GRM7: variants seen among roughly 807,000 people sequenced by gnomAD.
GRM7 encodes the protein metabotropic glutamate receptor 7.
GRM7 carries 35 observed loss-of-function variants against 84.5 expected under a neutral mutation model. The ratio of observed to expected loss-of-function variants is 0.41; its 90% CI spans 0.32 to 0.55. The LOEUF is 0.55. Ranked by LOEUF, GRM7 falls within the 20% of genes least tolerant of loss-of-function variation. The pLI, the probability that GRM7 is intolerant of heterozygous loss-of-function variation, is 0.19. For synonymous variants in GRM7, 487 were observed against 455.1 expected (o/e 1.07, Z -0.89); for missense variants, 1,003 against 1,194.6 (o/e 0.84, Z 2.36).
chr3:7,303,813 C>G (rs925387751), intron 3 of GRM7, among the ~76,000 whole-genome samples: 1 of 151,960 alleles, frequency 6.6e-6, no homozygotes, highest in African/African-American at 2.4e-5. Flanking sequence ...CAGTTATTAT[C>G]ATTTGAAGAG....
At chr3:7,424,231 T>A (rs1199240065) in intron 5 of GRM7, among the ~76,000 whole-genome samples, 1 of 151,836 alleles carries the variant, frequency 6.6e-6, no homozygotes, top group Non-Finnish European at 1.5e-5. Context: ...CCGGTTTAGG[T>A]GCCATTGTTG....
At chr3:7,387,186 T>C (rs969515598) in intron 4 of GRM7, among the ~76,000 whole-genome samples, 6 of 152,234 alleles carry the variant, frequency 3.9e-5, no homozygotes, top group African/African-American at 1.4e-4. Context: ...TTCTGGATAT[T>C]AGTCCTCTGT....
At chr3:7,680,023 A>G (rs748962264) in intron 8 of GRM7, 26 bp from the exon 9 acceptor site, 8 of 1,611,446 alleles carry the variant, frequency 5.0e-6, no homozygotes, top group Non-Finnish European at 6.8e-6. Context: ...TATTTGTAAT[A>G]GTGCCTTGTG....
At chr3:7,330,680 C>G (rs1209628073) in intron 4 of GRM7, among the ~76,000 whole-genome samples, 1 of 152,176 alleles carries the variant, frequency 6.6e-6, no homozygotes, top group Non-Finnish European at 1.5e-5. Context: ...GTAAGACATG[C>G]ATTTCACCTT....
At chr3:7,229,837 TTC>T (rs1439280575) in intron 2 of GRM7, among the ~76,000 whole-genome samples, 2 of 97,100 alleles carry the variant, frequency 2.1e-5, no homozygotes, top group African/African-American at 5.2e-5. Flanking sequence ...ATCTTCCATC[TTC>T]TTTTTTTTTT....
intron 4 of GRM7, among the ~76,000 whole-genome samples, chr3:7,383,068 C>T (rs183410884): frequency 2.8e-4 from 43 of 151,118 alleles, no homozygotes; most frequent in African/African-American, 1.0e-3. Context: ...CCTTACAACC[C>T]AGATCCACAC....
intron 7 of GRM7, among the ~76,000 whole-genome samples, chr3:7,558,387 G>A (rs186272773): frequency 3.9e-4 from 60 of 152,044 alleles, no homozygotes; most frequent in African/African-American, 1.2e-3. Context: ...TTTTAGTTCT[G>A]AAGAAGTTTT....
intron 1 of GRM7, among the ~76,000 whole-genome samples, chr3:7,137,507 A>C (rs1246120339): frequency 6.6e-6 from 1 of 152,058 alleles, no homozygotes; most frequent in Non-Finnish European, 1.5e-5. Flanking sequence ...TCAAACCTTG[A>C]TTACTTGAAA....
chr3:7,594,373 C>T (rs1695939435), intron 8 of GRM7, among the ~76,000 whole-genome samples: 1 of 152,134 alleles, frequency 6.6e-6, no homozygotes, highest in Non-Finnish European at 1.5e-5. Flanking sequence ...AATGCCACCC[C>T]ATGGAGTTGT....
At chr3:7,551,716 T>C (rs1258076545) in intron 7 of GRM7, among the ~76,000 whole-genome samples, 1 of 152,074 alleles carries the variant, frequency 6.6e-6, no homozygotes, top group Non-Finnish European at 1.5e-5. Flanking sequence ...TATTTTTTCC[T>C]GGGTCAGAGG....
intron 1 of GRM7, among the ~76,000 whole-genome samples, chr3:6,899,503 A>C (rs1696311144): frequency 1.3e-5 from 2 of 152,182 alleles, no homozygotes; most frequent in Admixed American, 1.3e-4. Context: ...AGTTCTCTAG[A>C]GGTCAAAAGG....
At chr3:6,940,419 T>C (rs1245262627) in intron 1 of GRM7, among the ~76,000 whole-genome samples, 1 of 152,200 alleles carries the variant, frequency 6.6e-6, no homozygotes, top group Non-Finnish European at 1.5e-5. Flanking sequence ...AAATTTGTTC[T>C]TACTCAACAA....
At chr3:7,073,594 TAGAAAA>T (rs146066970) in intron 1 of GRM7, among the ~76,000 whole-genome samples, 2,932 of 152,226 alleles carry the variant, frequency 0.019, 103 homozygotes, top group African/African-American at 0.067. Context: ...GGGTTTATTT[TAGAAAA>T]AGAAACACTG....
chr3:7,238,188 C>G (rs1053054666), intron 2 of GRM7, among the ~76,000 whole-genome samples: 1 of 152,200 alleles, frequency 6.6e-6, no homozygotes, highest in Non-Finnish European at 1.5e-5. Context: ...CTTATCCAAT[C>G]TCTTCGGTTG....
intron 1 of GRM7, among the ~76,000 whole-genome samples, chr3:7,007,998 G>A (rs1164461087): frequency 2.6e-5 from 4 of 152,070 alleles, no homozygotes; most frequent in Non-Finnish European, 4.4e-5. Context: ...TTGAAATTAA[G>A]GTAAATTATA....
rs535988854 is a variant in GRM7 at position 7,610,336 on chromosome 3, T to A, written c.2451+30979T>A. Among the ~76,000 whole-genome samples the A allele has an allele frequency of 4.3e-4, 65 of 152,222 alleles. 5 individuals carry two copies. In the South Asian group the frequency reaches 0.013, roughly 31 times the overall value. ...AGTAATTGGACCCCCCAACACTAATTGATGTGACAGCTCATTACCAGGCAT... is the reference window on the plus strand; with the variant it reads ...AGTAATTGGACCCCCCAACACTAATAGATGTGACAGCTCATTACCAGGCAT... On this transcript the variant is annotated intron_variant, in intron 8 of 9. Coordinates refer to ENST00000357716, the MANE Select transcript of GRM7 (RefSeq NM_000844.4).
At chr3:7,631,234 T>A (rs1458175145) in intron 8 of GRM7, among the ~76,000 whole-genome samples, 2 of 152,170 alleles carry the variant, frequency 1.3e-5, no homozygotes, top group Non-Finnish European at 2.9e-5. Context: ...GCAGTTTCAC[T>A]TTAGGGGAAG....
intron 8 of GRM7, among the ~76,000 whole-genome samples, chr3:7,613,415 G>A (rs1696936366): frequency 6.6e-6 from 1 of 152,084 alleles, no homozygotes. Context: ...CTAGATTCTA[G>A]CCCAGATGGT....
intron 7 of GRM7, among the ~76,000 whole-genome samples, chr3:7,491,869 T>C (rs907665285): frequency 6.6e-6 from 1 of 152,224 alleles, no homozygotes; most frequent in Non-Finnish European, 1.5e-5. Context: ...TCACAGATTC[T>C]GCTACATATA....
Sources: gnomAD v4.1 joint callset for allele counts (sites outside exome capture counted in the v4.1 genomes callset) on GRCh38, gnomAD v4.1.1 for gene constraint, MANE v1.5 for transcripts, NCBI Gene and HGNC (gene_info 2026-07-23, HGNC 2026-07-21) for gene names.